WDR1: variants seen among roughly 807,000 people sequenced by gnomAD.
WDR1 encodes WD repeat domain 1, also known as WD repeat-containing protein 1.
In WDR1, 21 loss-of-function variants were observed where a neutral mutation model predicts 71.9. The ratio of observed to expected loss-of-function variants is 0.29; its 90% CI spans 0.21 to 0.42. The LOEUF (loss-of-function observed/expected upper bound fraction) is 0.42. WDR1 is among the 10% of genes least tolerant of loss of function. The pLI is 1.00. For synonymous variants in WDR1, 424 were observed against 347.4 expected, an observed-to-expected ratio of 1.22 and a Z score of -2.45; for missense variants, 696 against 824.5, an observed-to-expected ratio of 0.84 and a Z score of 1.91.
At chr4:10,087,665 T>C (rs1711671860) in intron 8 of WDR1, 42 bp downstream of exon 8, 2 of 1,523,062 alleles carry the variant, frequency 1.3e-6, no homozygotes, top group South Asian at 1.3e-5. Context: ...GTCTCTTCCC[T>C]GTCCACCCAG....
In WDR1 at chr4:10,082,927, G is replaced by A. The variant is rs1335121384; in HGVS notation, c.1196+95C>T. ...GGTGGGAGAGATGAAAGGAGCAAGT[G>A]AGGCGTCCTCCAGAACAGTAACTGC... On this transcript the variant is annotated intron_variant, in intron 10 of 14. Coordinates refer to ENST00000499869, the MANE Select transcript of WDR1 (RefSeq NM_017491.5). The A allele has an allele frequency of 5.5e-6, 8 of 1,455,922 alleles. No individual in the cohort carries two copies. The African/African-American group carries it at 1.1e-4, about 21-fold the overall frequency. The allele number at this position is 1,455,922 out of a possible 1,614,324, so 90.2% of individuals were successfully genotyped here.
intron 3 of WDR1, among the ~76,000 whole-genome samples, chr4:10,102,523 C>G (rs1377586382): frequency 6.6e-6 from 1 of 152,206 alleles, no homozygotes; most frequent in African/African-American, 2.4e-5. Context: ...CATGGACTGA[C>G]ACAGCAAAAG....
intron 5 of WDR1, chr4:10,095,852 A>G (rs1391350529): frequency 1.3e-5 from 2 of 152,318 alleles, no homozygotes; most frequent in African/African-American, 4.8e-5. Flanking sequence ...GCTCTGTGCC[A>G]GGCCACAGCC....
In WDR1 at chr4:10,088,338, C is replaced by T. The variant is rs1269448852; in HGVS notation, c.672G>A (p.Val224=). The T allele has an allele frequency of 1.3e-6, 2 of 1,559,548 alleles. No individual in the cohort carries two copies. Among genetic ancestry groups the T allele is most frequent in the Non-Finnish European group, 1.7e-6 (2 of 1,151,262 alleles). ...YIYDGKTGEK[V]CALGGSKAHD... ...GGGCCTTGCTTCCGCCCAGCGCGCA[C>T]ACCTTCTCCCCAGTCTTCCCGTCAT... Residue 224 remains valine, a synonymous_variant, in exon 7 of 15, where the codon GTG becomes GTA. Coordinates refer to ENST00000499869, the MANE Select transcript of WDR1 (RefSeq NM_017491.5).
intron 6 of WDR1, 81 bp downstream of exon 6, chr4:10,088,583 T>C (rs1578426008): frequency 2.3e-6 from 3 of 1,310,344 alleles, no homozygotes; most frequent in Non-Finnish European, 3.2e-6. Flanking sequence ...AGGACTAGCA[T>C]TAGGCAGCCT....
intron 10 of WDR1, among the ~76,000 whole-genome samples, chr4:10,081,784 C>T (rs1328885029): frequency 1.3e-5 from 2 of 152,034 alleles, no homozygotes; most frequent in Non-Finnish European, 2.9e-5. Context: ...TGGCTAAAGA[C>T]TGGAGTTTAC....
rs142669794 is a variant in WDR1, at chr4:10,076,209, C to T, written c.1715-725G>A. The T allele has an allele frequency of 5.6e-3, 862 of 152,662 alleles. 7 individuals are homozygous for T. Among genetic ancestry groups the T allele is most frequent in the Middle Eastern group, 0.02 (6 of 294 alleles). 9.5% of individuals were successfully genotyped at this position (152,662 alleles called of 1,614,324 possible). ...ATTCAGCCCCCACCCCTGCCTGGCA[C>T]GGCATACATCCTGATGAAGGAAGCC... On this transcript the variant is annotated intron_variant, in intron 14 of 14. Transcript: ENST00000499869.
chr4:10,086,961 C>T (rs545054623), intron 8 of WDR1, among the ~76,000 whole-genome samples: 8 of 152,180 alleles, frequency 5.3e-5, no homozygotes, highest in African/African-American at 1.2e-4. Context: ...TGTCCAGCTG[C>T]GAGATTCCCA....
At chr4:10,097,619 T>C in intron 5 of WDR1, 92 bp downstream of exon 5, 1 of 1,434,948 alleles carries the variant, frequency 7.0e-7, no homozygotes, top group Non-Finnish European at 9.5e-7. Context: ...TGGCATGTGC[T>C]GTGGTCTCTG....
chr4:10,116,310 G>A (rs771365814), intron 1 of WDR1, 76 bp from the exon 2 acceptor site: 8 of 1,597,142 alleles, frequency 5.0e-6, no homozygotes, highest in Admixed American at 1.7e-5. Context: ...AAGGAGCCCC[G>A]GACCGGTCTC....
At chr4:10,112,117 G>A (rs1462885814) in intron 2 of WDR1, among the ~76,000 whole-genome samples, 1 of 152,020 alleles carries the variant, frequency 6.6e-6, no homozygotes, top group Non-Finnish European at 1.5e-5. Context: ...TTTAGGCTGG[G>A]TAATTTTTAT....
At chr4:10,081,663 TGGGGGGGGG>T (rs57903680) in intron 10 of WDR1, among the ~76,000 whole-genome samples, 3 of 73,170 alleles carry the variant, frequency 4.1e-5, no homozygotes, top group African/African-American at 1.8e-4. Flanking sequence ...CGGGGAGGGG[TGGGGGGGGG>T]GGAAGGAGGG....
intron 2 of WDR1, among the ~76,000 whole-genome samples, chr4:10,111,217 G>A (rs2108805203): frequency 6.6e-6 from 1 of 152,300 alleles, no homozygotes; most frequent in Admixed American, 6.5e-5. Context: ...TGAGCCACCT[G>A]CCACCACTGC....
intron 1 of WDR1, 48 bp from the exon 2 acceptor site, chr4:10,116,282 G>A (rs779856134): frequency 5.0e-6 from 8 of 1,610,750 alleles, no homozygotes; most frequent in Non-Finnish European, 3.4e-6. Flanking sequence ...GGGCGGGGAC[G>A]GCGGGGACAG....
In WDR1 at chr4:10,116,734, A is replaced by G; in HGVS notation, c.-68T>C. On this transcript the variant is annotated 5_prime_UTR_variant, in exon 1 of 15. Transcript: ENST00000499869. ...GGGGCCGGCCCGCGCTGCGAATTAC[A>G]CCTCGCCGAGGCCGAGCCCGGGGAC... is the stretch of plus-strand genomic sequence containing the variant. 7.8e-7 allele frequency: 1 copy of G among 1,282,852 alleles called. No individual in the cohort carries two copies. Among genetic ancestry groups the G allele is most frequent in the Non-Finnish European group, 9.9e-7 (1 of 1,013,422 alleles). The allele number at this position is 1,282,852 out of a possible 1,614,324, so 79.5% of individuals were successfully genotyped here.
intron 11 of WDR1, among the ~76,000 whole-genome samples, chr4:10,079,844 T>C (rs1296460813): frequency 1.3e-5 from 2 of 152,162 alleles, no homozygotes; most frequent in Admixed American, 6.5e-5. Context: ...TCTGCCCGGC[T>C]CTGGAGGTGG....
intron 10 of WDR1, among the ~76,000 whole-genome samples, chr4:10,082,350 CG>C (rs1011190421): frequency 1.3e-5 from 2 of 151,976 alleles, no homozygotes; most frequent in African/African-American, 4.8e-5. Flanking sequence ...GCAGGACTAC[CG>C]GGTGACAAAG....
In WDR1 at chr4:10,077,843, G is replaced by A. The variant is rs1423071266; in HGVS notation, c.1479C>T (p.Thr493=). Residue 493 remains threonine, a synonymous_variant, in exon 13 of 15, where the codon ACC becomes ACT. Transcript: ENST00000499869. ...CGCCGTCGTGGGAGTAGGCCACGTCGGTCACGGGGCCCTTGGCCTCTAGGA... is the reference window on the plus strand; with the variant it reads ...CGCCGTCGTGGGAGTAGGCCACGTCAGTCACGGGGCCCTTGGCCTCTAGGA... ...GKLLEAKGPV[T]DVAYSHDGAF... is the part of the protein sequence containing the mutation. 10 of 1,609,962 alleles carry A rather than the reference G, an allele frequency of 6.2e-6. No individual in the cohort carries two copies. The highest frequency in any genetic ancestry group is 1.7e-5 in the Admixed American group (1 of 59,510).
intron 2 of WDR1, among the ~76,000 whole-genome samples, chr4:10,112,371 A>G (rs1560548915): frequency 1.3e-5 from 2 of 152,172 alleles, no homozygotes; most frequent in African/African-American, 4.8e-5. Context: ...TCTCTCAAAC[A>G]CAGTGTACAT....
Sources: allele counts gnomAD v4.1 joint callset (sites outside exome capture counted in the v4.1 genomes callset), GRCh38; gene constraint gnomAD v4.1.1; transcripts MANE v1.5; gene names NCBI Gene and HGNC (gene_info 2026-07-23, HGNC 2026-07-21).